Variants in TRIM39 observed in about 807,000 individuals in gnomAD.
The protein encoded by TRIM39 is tripartite motif containing 39.
A neutral mutation model predicts 53.6 loss-of-function variants in TRIM39; 5 were observed. That is an observed-to-expected ratio of 0.09 (90% CI 0.05 to 0.20). TRIM39 has a LOEUF of 0.20. Ranked by LOEUF, TRIM39 falls within the 10% of genes least tolerant of loss-of-function variation. TRIM39 has a pLI of 1.00. For synonymous variants in TRIM39, 196 were observed against 237.6 expected (o/e 0.82, Z 1.61); for missense variants, 310 against 621.0 (o/e 0.50, Z 5.32).
chr6:30,342,463 A>G lies in TRIM39; in HGVS notation c.*204A>G. ...GAGAGCACAGCTGTGACTTCCTCCT[A>G]ACTGTCAGGGTGGGGAGCTGGTTCC... On this transcript the variant is annotated 3_prime_UTR_variant, in exon 8 of 8. Coordinates refer to ENST00000396551, the Ensembl canonical transcript of TRIM39. The surrounding 1 kb of genome is among the most constrained non-coding windows in gnomAD (Gnocchi z 4.7). The G allele has an allele frequency of 1.6e-6, 1 of 611,280 alleles. No homozygotes were observed. The highest frequency in any genetic ancestry group is 2.1e-5 in the South Asian group (1 of 48,610). The allele number at this position is 611,280 out of a possible 1,614,324, so 37.9% of individuals were successfully genotyped here.
At position 30,339,989 on chromosome 6, in the gene TRIM39, C is replaced by T. The variant is rs1486113610; in HGVS notation, c.803+59C>T. ...GGTCTTGGCTTAGAGAGGAGGGGTA[C>T]AGTCAGGAGTTTGGGTTGGGGGTGA... On this transcript the variant is annotated intron_variant, in intron 6 of 7. Coordinates refer to ENST00000396551, the Ensembl canonical transcript of TRIM39. The surrounding 1 kb of genome is among the most constrained non-coding windows in gnomAD (Gnocchi z 4.2). 1 of 1,613,014 alleles carries T rather than the reference C, an allele frequency of 6.2e-7. No homozygotes were observed. The highest frequency in any genetic ancestry group is 8.5e-7 in the Non-Finnish European group (1 of 1,179,338).
intron 7 of TRIM39, 95 bp downstream of exon 7, chr6:30,340,715 A>C: frequency 5.5e-6 from 7 of 1,278,502 alleles, no homozygotes; most frequent in African/African-American, 1.5e-5. Flanking sequence ...CCTATGTCTC[A>C]CTTTTCTTAC....
Position 30,342,381 on chromosome 6 carries a change from C to CCAAGGTGTTTCTCCA in TRIM39, c.*122_*123insCAAGGTGTTTCTCCA. The CCAAGGTGTTTCTCCA allele has an allele frequency of 9.3e-7, 1 of 1,069,588 alleles. No individual in the cohort carries two copies. The highest frequency in any genetic ancestry group is 1.4e-6 in the Non-Finnish European group (1 of 735,794). 66.3% of individuals were successfully genotyped at this position (1,069,588 alleles called of 1,614,324 possible). On this transcript the variant is annotated 3_prime_UTR_variant, in exon 8 of 8. Coordinates refer to ENST00000396551, the Ensembl canonical transcript of TRIM39. The surrounding 1 kb of genome is among the most constrained non-coding windows in gnomAD (Gnocchi z 4.7). ...CCAGTCCTGAATCATCTTGGAGAAACACCTTGGTTTCTAGGATGGTTTTGT... is the reference window on the plus strand; with the variant it reads ...CCAGTCCTGAATCATCTTGGAGAAACCAAGGTGTTTCTCCAACCTTGGTTTCTAGGATGGTTTTGT...
intron 4 of TRIM39, among the ~76,000 whole-genome samples, chr6:30,332,191 C>T (rs1418739072): frequency 1.3e-5 from 2 of 152,200 alleles, no homozygotes; most frequent in African/African-American, 2.4e-5. Context: ...ACTAGTTCTT[C>T]GTGAATCAGT....
chr6:30,336,572 C>T (rs1786887782), intron 5 of TRIM39, among the ~76,000 whole-genome samples: 2 of 152,272 alleles, frequency 1.3e-5, no homozygotes, highest in Non-Finnish European at 1.5e-5. Flanking sequence ...AAGACAACGA[C>T]GAAGTTTACT....
exon 3 of TRIM39, chr6:30,329,652 A>G: frequency 6.2e-7 from 1 of 1,613,112 alleles, no homozygotes; most frequent in Non-Finnish European, 8.5e-7. Context: ...CAACACCATG[A>G]GGCCCTCAGC....
At chr6:30,341,429 A>G (rs748153215) in intron 7 of TRIM39, 1 of 687,682 alleles carries the variant, frequency 1.5e-6, no homozygotes, top group Non-Finnish European at 2.7e-6. Flanking sequence ...ATAAATGATA[A>G]TGTCAGAGGG....
intron 5 of TRIM39, 76 bp downstream of exon 5, chr6:30,336,051 G>T: frequency 6.3e-7 from 1 of 1,575,510 alleles, no homozygotes; most frequent in East Asian, 2.3e-5. Context: ...TTGTCAGCCT[G>T]GGATACTCAT....
chr6:30,337,741 A>G (rs1787039364), intron 5 of TRIM39, among the ~76,000 whole-genome samples: 1 of 152,218 alleles, frequency 6.6e-6, no homozygotes, highest in Non-Finnish European at 1.5e-5. Flanking sequence ...CTTGCTTCTA[A>G]TAAGAAAGTC....
At chr6:30,330,380 A>G (rs1785993689) in intron 3 of TRIM39, among the ~76,000 whole-genome samples, 2 of 152,250 alleles carry the variant, frequency 1.3e-5, no homozygotes, top group Non-Finnish European at 1.5e-5. Flanking sequence ...CTTACAGTAT[A>G]ATAACCATGT....
rs549314683 is a variant in TRIM39, at chr6:30,342,536, G to A, written c.*277G>A. ...TCCATCAGGTTTTCTGTTGCACAAGGACGGGTCAGGAAGGAAGGAGAGGCT... is the reference window on the plus strand; with the variant it reads ...TCCATCAGGTTTTCTGTTGCACAAGAACGGGTCAGGAAGGAAGGAGAGGCT... On this transcript the variant is annotated 3_prime_UTR_variant, in exon 8 of 8. Transcript: ENST00000396551. The surrounding 1 kb of genome is among the most constrained non-coding windows in gnomAD (Gnocchi z 4.7). 1.8e-6 allele frequency: 1 copy of A among 547,704 alleles called. No homozygotes were observed. The highest frequency in any genetic ancestry group is 3.3e-5 in the Admixed American group (1 of 30,732). The allele number at this position is 547,704 out of a possible 1,614,324, so 33.9% of individuals were successfully genotyped here. A position where few individuals can be genotyped will look rare whatever the true frequency, so the allele number is the denominator to read the frequency against.
intron 5 of TRIM39, among the ~76,000 whole-genome samples, chr6:30,337,668 A>G (rs1194535331): frequency 1.3e-5 from 2 of 152,254 alleles, no homozygotes; most frequent in Admixed American, 6.5e-5. Flanking sequence ...ATAATTCTTA[A>G]GAGCCCTAGG....
At chr6:30,326,614 G>GGGCGCCAGTCC (rs1407213996) in exon 1 of TRIM39, 1 of 152,414 alleles carries the variant, frequency 6.6e-6, no homozygotes, top group Non-Finnish European at 1.5e-5. Flanking sequence ...TCGCCGGCCG[G>GGGCGCCAGTCC]GGCGCCAGTC....
intron 1 of TRIM39, among the ~76,000 whole-genome samples, 167 bp from the exon 2 acceptor site, chr6:30,328,722 A>AG (rs1785734090): frequency 6.6e-6 from 1 of 152,112 alleles, no homozygotes; most frequent in Non-Finnish European, 1.5e-5. Context: ...CAGTGGGCCC[A>AG]GGGAAGCCAA....
chr6:30,333,132 G>A (rs1299430206), intron 4 of TRIM39, among the ~76,000 whole-genome samples: 16 of 152,150 alleles, frequency 1.1e-4, no homozygotes. Context: ...TGAGATGGAT[G>A]TGTGCCAATA....
intron 4 of TRIM39, 65 bp downstream of exon 4, chr6:30,330,941 A>T: frequency 1.3e-6 from 2 of 1,549,106 alleles, no homozygotes; most frequent in Non-Finnish European, 1.8e-6. Flanking sequence ...AATTAACTGT[A>T]CACTATTTAA....
intron 4 of TRIM39, 80 bp downstream of exon 4, chr6:30,330,956 C>T: frequency 6.7e-7 from 1 of 1,488,056 alleles, no homozygotes; most frequent in East Asian, 2.3e-5. Context: ...ATTTAATCCA[C>T]CAGTTCCGGT....
At position 30,342,208 on chromosome 6, in the gene TRIM39, A is replaced by G; in HGVS notation, c.1416A>G (p.Gly472=). Residue 472 remains glycine (G), a synonymous_variant, in exon 8 of 8, where the codon GGA becomes GGG. Transcript: ENST00000396551. This position sits in a 1 kb window ranked among gnomAD's most constrained non-coding sequence, Gnocchi z 4.7. Reference sequence around the variant, plus strand: ...TCTTCTACCCAGGCATCCGGGCTGGACGGAAGAATGCTGCACCACTTACCA... The same window carrying G: ...TCTTCTACCCAGGCATCCGGGCTGGGCGGAAGAATGCTGCACCACTTACCA... 6.2e-7 allele frequency: 1 copy of G among 1,613,030 alleles called. No individual in the cohort carries two copies. Among genetic ancestry groups the G allele is most frequent in the Non-Finnish European group, 8.5e-7 (1 of 1,180,018 alleles).
exon 4 of TRIM39, chr6:30,330,845 C>G: frequency 6.2e-7 from 1 of 1,614,128 alleles, no homozygotes; most frequent in South Asian, 1.1e-5. Flanking sequence ...CGCTGCAAGT[C>G]CTCTGAGGAG....
Sources: gnomAD v4.1 joint callset for allele counts (sites outside exome capture counted in the v4.1 genomes callset) on GRCh38, gnomAD v4.1.1 for gene constraint, Gnocchi (gnomAD v3.1) non-coding constraint, MANE v1.5 for transcripts, NCBI Gene and HGNC (gene_info 2026-07-23, HGNC 2026-07-21) for gene names.